Variants in INTS3 observed in about 807,000 individuals in gnomAD.
The protein encoded by INTS3 is SOSS complex subunit A.
A neutral mutation model predicts 146.3 loss-of-function variants in INTS3; 34 were observed. That is an observed-to-expected ratio of 0.23 (90% confidence interval 0.18 to 0.31). INTS3 has a LOEUF of 0.31. INTS3 is among the 10% of genes least tolerant of loss of function. The pLI, the probability that INTS3 is intolerant of heterozygous loss-of-function variation, is 1.00. For synonymous variants in INTS3, 475 were observed against 494.9 expected (o/e 0.96, Z 0.53); for missense variants, 757 against 1,304.2 (o/e 0.58, Z 6.46).
intron 20 of INTS3, 155 bp from the exon 21 acceptor site, chr1:153,767,519 A>G: frequency 1.6e-6 from 1 of 629,194 alleles, no homozygotes; most frequent in Non-Finnish European, 2.5e-6. Context: ...TGAGTTATCA[A>G]GCCCCTGTGG....
At position 153,761,637 on chromosome 1, in the gene INTS3, T is replaced by C; in HGVS notation, c.1477T>C (p.Phe493Leu). 1 of 1,614,124 alleles carries C rather than the reference T, an allele frequency of 6.2e-7. No individual in the cohort carries two copies. Among genetic ancestry groups the C allele is most frequent in the Non-Finnish European group, 8.5e-7 (1 of 1,179,992 alleles). Residue 493 changes from phenylalanine to leucine, a missense_variant, in exon 14 of 30, where the codon TTT becomes CTT. Phe to Leu is a conservative substitution (Grantham distance 22). This residue lies in a region of INTS3 where 97 missense variants were observed against 113.6 expected (regional missense o/e 0.85). Coordinates refer to ENST00000318967, the MANE Select transcript of INTS3 (RefSeq NM_023015.5). ...GCTGCGGGCAATGCTGAGAGAGAAG[T>C]TTCCTGAGTTCTGCAGCTCACCCTC... is the stretch of plus-strand genomic sequence containing the variant. ...KELRAMLREK[F>L]PEFCSSPSPP...
At chr1:153,734,947 G>A (rs1178735493) in intron 1 of INTS3, among the ~76,000 whole-genome samples, 1 of 152,118 alleles carries the variant, frequency 6.6e-6, no homozygotes, top group African/African-American at 2.4e-5. Flanking sequence ...CAATTGCTGA[G>A]CTTCCCGCAA....
chr1:153,732,808 C>CTTT (rs35259045), intron 1 of INTS3, among the ~76,000 whole-genome samples: 4 of 143,992 alleles, frequency 2.8e-5, no homozygotes, highest in Admixed American at 7.0e-5. Flanking sequence ...GGAATTTAGT[C>CTTT]TTTTTTTTTT....
At chr1:153,761,057 A>T in intron 13 of INTS3, 139 bp downstream of exon 13, 1 of 1,465,040 alleles carries the variant, frequency 6.8e-7, no homozygotes, top group East Asian at 2.5e-5. Context: ...ACTGCTGGGC[A>T]TATGTCTTCT....
Position 153,761,654 on chromosome 1 carries a change from C to G in INTS3, c.1494C>G (p.Ser498Arg). The G allele has an allele frequency of 5.6e-6, 9 of 1,613,712 alleles. No individual in the cohort carries two copies. Among genetic ancestry groups the G allele is most frequent in the Non-Finnish European group, 7.6e-6 (9 of 1,179,572 alleles). The change falls in exon 14 of 30, where the codon AGC (serine) becomes AGG (arginine). Residue 498 changes from serine to arginine, a missense_variant. Ser to Arg is a moderately radical substitution (Grantham distance 110, BLOSUM62 -1). This residue lies in a region of INTS3 where 97 missense variants were observed against 113.6 expected (regional missense o/e 0.85). Transcript: ENST00000318967. ...GAGAGAAGTTTCCTGAGTTCTGCAG[C>G]TCACCCTCCCCACCTGTGGAAGGTA... Reference protein sequence around the residue: ...MLREKFPEFCSSPSPPVEVKI... With the variant: ...MLREKFPEFCRSPSPPVEVKI...
At chr1:153,758,047 C>G (rs774553739) in intron 10 of INTS3, among the ~76,000 whole-genome samples, 5 of 152,192 alleles carry the variant, frequency 3.3e-5, no homozygotes, top group Non-Finnish European at 5.9e-5. Context: ...ATTTTTGCTT[C>G]CAGAAACCAT....
At position 153,747,076 on chromosome 1, in the gene INTS3, G is replaced by C; in HGVS notation, c.432+6G>C. ...AGGATACCTGCCGTACTCAGGTAAG[G>C]CCAGAAAGAAAAGACAAGATCCAGC... is the stretch of plus-strand genomic sequence containing the variant. On this transcript the variant is annotated splice_donor_region_variant and intron_variant, in intron 4 of 29. Transcript: ENST00000318967. 1.9e-6 allele frequency: 3 copies of C among 1,583,730 alleles called. No homozygotes were observed. The highest frequency in any genetic ancestry group is 2.6e-6 in the Non-Finnish European group (3 of 1,152,838).
chr1:153,769,355 C>G (rs1672724137), intron 22 of INTS3, among the ~76,000 whole-genome samples: 1 of 152,140 alleles, frequency 6.6e-6, no homozygotes, highest in South Asian at 2.1e-4. Context: ...TGCTCGGGTC[C>G]TTCTGAGGCC....
Position 153,728,457 on chromosome 1 carries a change from C to A in INTS3, c.-178C>A. 1 of 703,500 alleles carries A rather than the reference C, an allele frequency of 1.4e-6. No homozygotes were observed. The highest frequency in any genetic ancestry group is 3.3e-5 in the Admixed American group (1 of 30,334). 43.6% of individuals were successfully genotyped at this position (703,500 alleles called of 1,614,324 possible). A position where few individuals can be genotyped will look rare whatever the true frequency, so the allele number is the denominator to read the frequency against. On this transcript the variant is annotated 5_prime_UTR_variant, in exon 1 of 30. Transcript: ENST00000318967. Reference sequence around the variant, plus strand: ...AGGACCCAGAGGACTGTGCCTTCGCCCCCAACGCAGGCGCGGCCTTTTGGA... The same window carrying A: ...AGGACCCAGAGGACTGTGCCTTCGCACCCAACGCAGGCGCGGCCTTTTGGA...
In INTS3 at chr1:153,764,951, T is replaced by C. The variant is rs780462672; in HGVS notation, c.1978T>C (p.Cys660Arg). The C allele has an allele frequency of 1.9e-6, 3 of 1,614,132 alleles. No individual in the cohort carries two copies. Among genetic ancestry groups the C allele is most frequent in the Admixed American group, 3.3e-5 (2 of 60,026 alleles). ...KPLYLIFRNL[C>R]QMQEDNSSFS... ...CCCATGCCCCACCTCCAGGAACCTA[T>C]GTCAGATGCAGGAAGACAACAGCAG... The change falls in exon 20 of 30, where the codon TGT (cysteine) becomes CGT (arginine). Residue 660 changes from cysteine (C) to arginine (R), a missense_variant. Cys to Arg is a radical substitution (Grantham distance 180, BLOSUM62 -3). Transcript: ENST00000318967.
At chr1:153,759,653 C>G (rs1672300026) in intron 11 of INTS3, 40 bp downstream of exon 11, 1 of 1,310,210 alleles carries the variant, frequency 7.6e-7, no homozygotes, top group Non-Finnish European at 1.1e-6. Flanking sequence ...TCCCCATCCC[C>G]CTAAGCCCCC....
intron 1 of INTS3, among the ~76,000 whole-genome samples, chr1:153,731,601 G>A (rs1204203675): frequency 1.4e-3 from 33 of 23,276 alleles, no homozygotes; most frequent in Non-Finnish European, 5.5e-4. Flanking sequence ...TTTTTTTTTT[G>A]AGATGGAGTC....
chr1:153,767,404 G>C, intron 20 of INTS3: 1 of 383,700 alleles, frequency 2.6e-6, no homozygotes, highest in East Asian at 4.2e-5. Flanking sequence ...TCCCTCTTCT[G>C]TTCCTGACTC....
chr1:153,738,989 G>A (rs1286436352), intron 1 of INTS3, among the ~76,000 whole-genome samples: 1 of 151,708 alleles, frequency 6.6e-6, no homozygotes, highest in Non-Finnish European at 1.5e-5. Context: ...TGCCTCCCAG[G>A]TTCAAGCGAT....
intron 8 of INTS3, among the ~76,000 whole-genome samples, chr1:153,753,447 C>T (rs1003552953): frequency 6.6e-6 from 1 of 151,654 alleles, no homozygotes; most frequent in Non-Finnish European, 1.5e-5. Context: ...TTCCCAGCTA[C>T]TCGGGAGGCT....
At chr1:153,746,109 G>C (rs1671725427) in intron 3 of INTS3, among the ~76,000 whole-genome samples, 1 of 152,190 alleles carries the variant, frequency 6.6e-6, no homozygotes, top group East Asian at 1.9e-4. Flanking sequence ...ATCAGTTTTG[G>C]TTCTGTCCTT....
chr1:153,764,481 T>C (rs1672500498), intron 18 of INTS3, among the ~76,000 whole-genome samples: 1 of 152,196 alleles, frequency 6.6e-6, no homozygotes, highest in Admixed American at 6.5e-5. Flanking sequence ...TAGGTGTGAT[T>C]GGACCTTGGC....
In INTS3 at chr1:153,768,426, C is replaced by T. The variant is rs112816094; in HGVS notation, c.2245-467C>T. Among the ~76,000 whole-genome samples the T allele has an allele frequency of 1.1e-3, 172 of 152,284 alleles. 2 individuals are homozygous for T. The highest frequency in any genetic ancestry group is 4.0e-3 in the African/African-American group (165 of 41,560). On this transcript the variant is annotated intron_variant, in intron 21 of 29. Coordinates refer to ENST00000318967, the MANE Select transcript of INTS3 (RefSeq NM_023015.5). ...CCTGGACACAGGGTACTTTCCTCCC[C>T]CTTCTCTAGATGAGGCCCTGCCTAC...
intron 6 of INTS3, among the ~76,000 whole-genome samples, chr1:153,749,548 C>G (rs1174758124): frequency 6.6e-6 from 1 of 152,224 alleles, no homozygotes; most frequent in Admixed American, 6.5e-5. Flanking sequence ...GTGCTGTGCT[C>G]TGCCCAGGTC....
Sources: allele counts gnomAD v4.1 joint callset (sites outside exome capture counted in the v4.1 genomes callset), GRCh38; gene constraint gnomAD v4.1.1; regional missense constraint gnomAD v4.1.1; transcripts MANE v1.5; gene names NCBI Gene and HGNC (gene_info 2026-07-23, HGNC 2026-07-21).